KIF13B: variants seen among roughly 807,000 people sequenced by gnomAD.
KIF13B encodes the protein kinesin-like protein KIF13B.
A neutral mutation model predicts 222.0 loss-of-function variants in KIF13B; 127 were observed. The ratio of observed to expected loss-of-function variants is 0.57; its 90% CI spans 0.50 to 0.66. The LOEUF is 0.66. Among genes scored for constraint, KIF13B ranks in the 30% least tolerant of loss-of-function variants. KIF13B has a pLI of 0.00. For missense variants in KIF13B, 2,173 were observed against 2,379.0 expected (o/e 0.91, Z 1.80); for synonymous variants, 976 against 919.0 (o/e 1.06, Z -1.12).
rs1214602354 is a variant in KIF13B at position 29,261,126 on chromosome 8, C to T, written c.55+1854G>A. On this transcript the variant is annotated intron_variant, in intron 1 of 39. Transcript: ENST00000524189. ...GGAAATATAAGGCTAAGAATGGGCA[C>T]TAAGTGAACACAGGAGGTACTTTAC... is the stretch of plus-strand genomic sequence containing the variant. Among the ~76,000 whole-genome samples the T allele has an allele frequency of 2.6e-5, 4 of 152,126 alleles. No homozygotes were observed. In the East Asian group the frequency reaches 7.7e-4, roughly 29 times the overall value.
At position 29,246,361 on chromosome 8, in the gene KIF13B, G is replaced by A. The variant is rs548122084; in HGVS notation, c.56-922C>T. ...CACTGCACTCCAGCCTGGGAGACAA[G>A]AGCAAAACTCTGTCTCGGGGGAAAA... On this transcript the variant is annotated intron_variant, in intron 1 of 39. Coordinates refer to ENST00000524189, the MANE Select transcript of KIF13B (RefSeq NM_015254.4). 5.7e-4 allele frequency among the ~76,000 whole-genome samples: 86 copies of A among 150,836 alleles called. 1 individual carries two copies. The South Asian group carries it at 0.017, about 30-fold the overall frequency.
chr8:29,116,804 G>A, intron 31 of KIF13B, 27 bp downstream of exon 31: 1 of 1,579,594 alleles, frequency 6.3e-7, no homozygotes, highest in Non-Finnish European at 8.6e-7. Context: ...ACTGTGGTTA[G>A]AGTCGTTTCT....
intron 9 of KIF13B, 26 bp downstream of exon 9, chr8:29,177,440 T>G (rs941922687): frequency 2.9e-6 from 4 of 1,367,392 alleles, no homozygotes; most frequent in Non-Finnish European, 4.2e-6. Context: ...AATAAAGCAA[T>G]AAAAATAAGC....
rs147089450 is a variant in KIF13B at position 29,098,170 on chromosome 8, C to CAAAAAAAAAAAAAAAAAAAA, written c.4324+943_4324+962dup. Among the ~76,000 whole-genome samples the CAAAAAAAAAAAAAAAAAAAA allele has an allele frequency of 4.7e-3, 143 of 30,280 alleles. 7 individuals are homozygous for CAAAAAAAAAAAAAAAAAAAA. The highest frequency in any genetic ancestry group is 0.01 in the East Asian group (9 of 898). 19.9% of individuals were successfully genotyped at this position (30,280 alleles called of 152,430 possible). A position where few individuals can be genotyped will look rare whatever the true frequency, so the allele number is the denominator to read the frequency against. ...TGGGCGACAGAGTCAGACTCCATCT[C>CAAAAAAAAAAAAAAAAAAAA]AAAAAAAAAAAAAAAAAAAAGTAAG... On this transcript the variant is annotated intron_variant, in intron 36 of 39. Coordinates refer to ENST00000524189, the MANE Select transcript of KIF13B (RefSeq NM_015254.4).
At chr8:29,123,978 T>C in intron 27 of KIF13B, 46 bp downstream of exon 27, 1 of 1,116,236 alleles carries the variant, frequency 9.0e-7, no homozygotes, top group South Asian at 1.3e-5. Context: ...TAATTAATTA[T>C]GCATTGATTT....
chr8:29,144,663 G>T (rs1013628678), intron 18 of KIF13B, among the ~76,000 whole-genome samples: 1 of 152,148 alleles, frequency 6.6e-6, no homozygotes, highest in African/African-American at 2.4e-5. Context: ...TTTCCTGGGG[G>T]AGAATGCTGG....
At chr8:29,250,891 T>A (rs1237678592) in intron 1 of KIF13B, among the ~76,000 whole-genome samples, 2 of 152,220 alleles carry the variant, frequency 1.3e-5, no homozygotes, top group Admixed American at 1.3e-4. Flanking sequence ...TACAAGATTT[T>A]AAATATGACA....
intron 32 of KIF13B, among the ~76,000 whole-genome samples, chr8:29,110,298 TCAA>T (rs1366431446): frequency 6.6e-6 from 1 of 152,200 alleles, no homozygotes; most frequent in African/African-American, 2.4e-5. Flanking sequence ...CAGCGCATTC[TCAA>T]CAAAACTGTT....
rs140841561 is a variant in KIF13B at position 29,081,440 on chromosome 8, C to G, written c.4459-6097G>C. ...GAAATGCTTTTAAGTATGTTTAGAA[C>G]AGCCTCGGCATGTGGGTCTGCTTTT... On this transcript the variant is annotated intron_variant, in intron 37 of 39. Coordinates refer to ENST00000524189, the MANE Select transcript of KIF13B (RefSeq NM_015254.4). Among the ~76,000 whole-genome samples, 183 of 152,306 alleles carry G rather than the reference C, an allele frequency of 1.2e-3. 1 individual carries two copies. The East Asian group carries it at 0.03, about 25-fold the overall frequency.
intron 32 of KIF13B, among the ~76,000 whole-genome samples, chr8:29,112,238 T>A (rs1288046719): frequency 6.6e-6 from 1 of 151,992 alleles, no homozygotes; most frequent in African/African-American, 2.4e-5. Context: ...ACTGAGAGCA[T>A]CCTGGCCAAC....
At chr8:29,147,262 T>A in intron 17 of KIF13B, 130 bp downstream of exon 17, 1 of 707,324 alleles carries the variant, frequency 1.4e-6, no homozygotes, top group Non-Finnish European at 2.3e-6. Flanking sequence ...TTCTTGGCTG[T>A]TAACACTTAT....
rs1170071703 is a variant in KIF13B at position 29,092,887 on chromosome 8, A to T, written c.4325-9T>A. 6.3e-7 allele frequency: 1 copy of T among 1,596,892 alleles called. No individual in the cohort carries two copies. The highest frequency in any genetic ancestry group is 1.1e-5 in the South Asian group (1 of 88,034). ...TGCAAGGTTACTGAGTCCTGCCCATATTACAGGGGAAAAAGATAAAACAAA... is the reference window on the plus strand; with the variant it reads ...TGCAAGGTTACTGAGTCCTGCCCATTTTACAGGGGAAAAAGATAAAACAAA... On this transcript the variant is annotated splice_polypyrimidine_tract_variant and intron_variant, in intron 36 of 39. Transcript: ENST00000524189.
chr8:29,208,060 T>C (rs1034644753), intron 2 of KIF13B, among the ~76,000 whole-genome samples: 2 of 152,150 alleles, frequency 1.3e-5, no homozygotes, highest in Admixed American at 1.3e-4. Context: ...CATTAGAAAA[T>C]CATGTATTTG....
chr8:29,173,853 A>G (rs1274441076), intron 10 of KIF13B, among the ~76,000 whole-genome samples: 1 of 151,696 alleles, frequency 6.6e-6, no homozygotes, highest in Non-Finnish European at 1.5e-5. Context: ...CTGAGGCAGA[A>G]GAATCGCTTG....
intron 29 of KIF13B, among the ~76,000 whole-genome samples, chr8:29,122,015 G>A (rs576052421): frequency 8.1e-4 from 124 of 152,270 alleles, no homozygotes; most frequent in African/African-American, 2.9e-3. Context: ...AGCACTTTGG[G>A]AGGCCAAGGA....
chr8:29,078,127 C>CAAAAAAAAA (rs10530503), intron 37 of KIF13B, among the ~76,000 whole-genome samples: 2,517 of 73,990 alleles, frequency 0.034, 89 homozygotes, highest in Middle Eastern at 0.065. Flanking sequence ...TACTAAAATC[C>CAAAAAAAAA]AAAAAAAAAA....
chr8:29,207,629 CT>C (rs982858755), intron 2 of KIF13B, among the ~76,000 whole-genome samples: 82 of 151,990 alleles, frequency 5.4e-4, no homozygotes, highest in Middle Eastern at 3.4e-3. Context: ...ATTAATACAC[CT>C]TTTTATCCAA....
At chr8:29,246,704 C>G (rs919361135) in intron 1 of KIF13B, among the ~76,000 whole-genome samples, 6 of 152,214 alleles carry the variant, frequency 3.9e-5, no homozygotes, top group African/African-American at 9.6e-5. Flanking sequence ...AAACTTACTA[C>G]AAAGCCACAG....
intron 37 of KIF13B, among the ~76,000 whole-genome samples, chr8:29,078,471 T>G (rs140857170): frequency 3.3e-5 from 5 of 152,280 alleles, no homozygotes; most frequent in African/African-American, 9.6e-5. Flanking sequence ...CGTGTGCTCA[T>G]CCTTCACACG....
Sources: allele counts gnomAD v4.1 joint callset (sites outside exome capture counted in the v4.1 genomes callset), GRCh38; gene constraint gnomAD v4.1.1; transcripts MANE v1.5; gene names NCBI Gene and HGNC (gene_info 2026-07-23, HGNC 2026-07-21).